ITPK1: variants seen among roughly 807,000 people sequenced by gnomAD.
The protein encoded by ITPK1 is inositol-tetrakisphosphate 1-kinase, also known as inositol 1,3,4-trisphosphate 5/6-kinase.
A neutral mutation model predicts 45.3 loss-of-function variants in ITPK1; 21 were observed. The ratio of observed to expected loss-of-function variants is 0.46; its 90% CI spans 0.33 to 0.67. ITPK1 has a LOEUF of 0.67. Ranked by LOEUF, ITPK1 falls within the 30% of genes least tolerant of loss-of-function variation. The probability of loss-of-function intolerance (pLI) is 0.02; values close to 1 mark genes in which losing one functional copy is unlikely to be tolerated. For missense variants in ITPK1, 474 were observed against 573.5 expected (o/e 0.83, Z 1.77); for synonymous variants, 258 against 253.6 (o/e 1.02, Z -0.16).
intron 2 of ITPK1, among the ~76,000 whole-genome samples, chr14:93,112,085 G>T (rs963342065): frequency 6.6e-6 from 1 of 151,916 alleles, no homozygotes; most frequent in Admixed American, 6.6e-5. Context: ...CTTGCAGAGG[G>T]GCTCAGCTTT....
rs1891611193 is a variant in ITPK1 at position 93,085,433 on chromosome 14, C to A, written c.96-8814G>T. On this transcript the variant is annotated intron_variant, in intron 2 of 10. Coordinates refer to ENST00000267615, the MANE Select transcript of ITPK1 (RefSeq NM_014216.6). ...GCGCCCCTCAGTGCAGGCACAGCAGCCTGAGTCAGTACACTCCCTCAGACC... is the reference window on the plus strand; with the variant it reads ...GCGCCCCTCAGTGCAGGCACAGCAGACTGAGTCAGTACACTCCCTCAGACC... 2.0e-5 allele frequency among the ~76,000 whole-genome samples: 3 copies of A among 152,188 alleles called. No homozygotes were observed. In the South Asian group the frequency reaches 6.2e-4, roughly 31 times the overall value.
intron 5 of ITPK1, among the ~76,000 whole-genome samples, chr14:92,963,817 T>C (rs548493789): frequency 5.3e-5 from 8 of 152,250 alleles, no homozygotes; most frequent in Non-Finnish European, 1.2e-4. Flanking sequence ...TATTATTGTT[T>C]CTTGTCATTG....
chr14:93,027,102 C>T (rs1473317684), intron 3 of ITPK1, among the ~76,000 whole-genome samples: 3 of 152,004 alleles, frequency 2.0e-5, no homozygotes, highest in African/African-American at 7.3e-5. Context: ...TGAGATCTTA[C>T]TGGATATGCA....
chr14:93,106,319 C>T (rs1344726360), intron 2 of ITPK1, among the ~76,000 whole-genome samples: 4 of 151,786 alleles, frequency 2.6e-5, no homozygotes, highest in Non-Finnish European at 5.9e-5. Flanking sequence ...GAAGGTCACA[C>T]TGTCAGGAAA....
At chr14:93,082,044 T>C (rs1891456389) in intron 2 of ITPK1, among the ~76,000 whole-genome samples, 1 of 150,994 alleles carries the variant, frequency 6.6e-6, no homozygotes, top group South Asian at 2.1e-4. Context: ...CAGCTGGGTA[T>C]GGGGACAGCT....
At chr14:93,027,543 G>A (rs989556096) in intron 3 of ITPK1, among the ~76,000 whole-genome samples, 36 of 152,128 alleles carry the variant, frequency 2.4e-4, no homozygotes, top group African/African-American at 8.7e-4. Context: ...GCTGGGAGGG[G>A]GCCAGGGAGG....
intron 7 of ITPK1, among the ~76,000 whole-genome samples, chr14:92,960,462 G>C (rs980351890): frequency 6.6e-6 from 1 of 152,150 alleles, no homozygotes; most frequent in African/African-American, 2.4e-5. Context: ...AGCCGCTAAC[G>C]TCTCCAGTCA....
chr14:93,004,801 G>A (rs1887530748), intron 4 of ITPK1, among the ~76,000 whole-genome samples: 1 of 151,582 alleles, frequency 6.6e-6, no homozygotes. Context: ...CAGGGTTGGG[G>A]GCTGGGGAGG....
At chr14:92,973,061 G>A (rs562853680) in intron 5 of ITPK1, among the ~76,000 whole-genome samples, 9 of 152,266 alleles carry the variant, frequency 5.9e-5, no homozygotes, top group African/African-American at 1.7e-4. Context: ...CCAAGAACAC[G>A]CTGTCCCATG....
chr14:93,070,251 G>A lies in ITPK1; in HGVS notation c.120+6344C>T, dbSNP rs1361437353. ...GCTGGAGGGGGCCCGGCAGCAGGTG[G>A]GTCTTTCTTTCAGGGTCTTCCTCCA... is the stretch of plus-strand genomic sequence containing the variant. On this transcript the variant is annotated intron_variant, in intron 3 of 10. Coordinates refer to ENST00000267615, the MANE Select transcript of ITPK1 (RefSeq NM_014216.6). 4 of 152,674 alleles carry A rather than the reference G, an allele frequency of 2.6e-5. No homozygotes were observed. In the East Asian group the frequency reaches 5.8e-4, roughly 22 times the overall value. The allele number at this position is 152,674 out of a possible 1,614,324, so 9.5% of individuals were successfully genotyped here. A position where few individuals can be genotyped will look rare whatever the true frequency, so the allele number is the denominator to read the frequency against.
chr14:92,966,842 G>A (rs540328840), intron 5 of ITPK1, among the ~76,000 whole-genome samples: 12 of 152,262 alleles, frequency 7.9e-5, no homozygotes, highest in African/African-American at 1.9e-4. Context: ...TTCAAGGGGC[G>A]GAAAGAATAT....
chr14:93,017,796 G>A lies in ITPK1; in HGVS notation c.121-995C>T, dbSNP rs140656395. On this transcript the variant is annotated intron_variant, in intron 3 of 10. Coordinates refer to ENST00000267615, the MANE Select transcript of ITPK1 (RefSeq NM_014216.6). ...AGGCTGACTGTTTTAAAAATGTTAC[G>A]AAAGACATCATAATGACAACTACAA... 8.5e-5 allele frequency among the ~76,000 whole-genome samples: 13 copies of A among 152,332 alleles called. No homozygotes were observed. In the East Asian group the frequency reaches 2.5e-3, roughly 29 times the overall value.
At chr14:93,105,985 G>A (rs1011873995) in intron 2 of ITPK1, among the ~76,000 whole-genome samples, 7 of 152,072 alleles carry the variant, frequency 4.6e-5, no homozygotes, top group African/African-American at 7.2e-5. Context: ...GATTATAGGC[G>A]TGAGCCACCA....
chr14:92,973,018 G>A (rs748864731), intron 5 of ITPK1, among the ~76,000 whole-genome samples: 1 of 152,170 alleles, frequency 6.6e-6, no homozygotes, highest in Non-Finnish European at 1.5e-5. Flanking sequence ...GCTCTTCCAA[G>A]CATCACAGAA....
chr14:93,006,689 G>C (rs1236404281), intron 4 of ITPK1, among the ~76,000 whole-genome samples: 1 of 152,220 alleles, frequency 6.6e-6, no homozygotes, highest in Non-Finnish European at 1.5e-5. Flanking sequence ...GGCTCTCTGG[G>C]GGGGAAACTG....
chr14:92,976,830 A>G (rs984653386), intron 5 of ITPK1, among the ~76,000 whole-genome samples: 2 of 152,226 alleles, frequency 1.3e-5, no homozygotes, highest in African/African-American at 4.8e-5. Flanking sequence ...TGCTGGGCAA[A>G]CCACTGCATA....
chr14:93,086,213 T>A (rs1423126994), intron 2 of ITPK1, among the ~76,000 whole-genome samples: 3 of 152,162 alleles, frequency 2.0e-5, no homozygotes, highest in Non-Finnish European at 4.4e-5. Context: ...CTAGCACCTA[T>A]CCTCAAGGTA....
chr14:93,078,879 C>G (rs541671724), intron 2 of ITPK1, among the ~76,000 whole-genome samples: 2 of 152,314 alleles, frequency 1.3e-5, no homozygotes, highest in Admixed American at 1.3e-4. Context: ...CCAGCCCAAA[C>G]TCCAGCGGCC....
At chr14:92,981,613 A>G (rs1886233628) in intron 5 of ITPK1, among the ~76,000 whole-genome samples, 1 of 151,840 alleles carries the variant, frequency 6.6e-6, no homozygotes, top group African/African-American at 2.4e-5. Flanking sequence ...TATGTATCTG[A>G]TTCTTGAAAA....
Sources: gnomAD v4.1 joint callset for allele counts (sites outside exome capture counted in the v4.1 genomes callset) on GRCh38, gnomAD v4.1.1 for gene constraint, MANE v1.5 for transcripts, NCBI Gene and HGNC (gene_info 2026-07-23, HGNC 2026-07-21) for gene names.